Variants in LSAMP observed in about 807,000 individuals in gnomAD.
The protein encoded by LSAMP is limbic system associated membrane protein.
LSAMP carries 7 observed loss-of-function variants against 38.6 expected under a neutral mutation model. The observed-to-expected ratio is 0.18, with a 90% CI of 0.10 to 0.34. The LOEUF is 0.34. Among genes scored for constraint, LSAMP ranks in the 10% least tolerant of loss-of-function variants. LSAMP has a pLI of 1.00. For synonymous variants in LSAMP, 154 were observed against 166.8 expected, an observed-to-expected ratio of 0.92 and a Z score of 0.59; for missense variants, 313 against 420.0, an observed-to-expected ratio of 0.75 and a Z score of 2.23.
chr3:116,217,115 G>A (rs1465968524), intron 1 of LSAMP, among the ~76,000 whole-genome samples: 1 of 152,082 alleles, frequency 6.6e-6, no homozygotes, highest in Non-Finnish European at 1.5e-5. Flanking sequence ...ATTAAGACTC[G>A]GGAGATTAAT....
chr3:116,044,030 TG>T (rs894044025), intron 2 of LSAMP, among the ~76,000 whole-genome samples: 2 of 152,232 alleles, frequency 1.3e-5, no homozygotes, highest in African/African-American at 4.8e-5. Context: ...TCTTCCTCCA[TG>T]AGCCCTCTTT....
chr3:115,858,135 ATCTCTC>A (rs67994060), intron 3 of LSAMP, among the ~76,000 whole-genome samples: 24,889 of 144,012 alleles, frequency 0.17, 2,299 homozygotes, highest in Middle Eastern at 0.24. Context: ...CCGTCCTCCC[ATCTCTC>A]TCTCTCTCTC....
intron 6 of LSAMP, among the ~76,000 whole-genome samples, chr3:115,829,206 G>A (rs1277427542): frequency 6.6e-6 from 1 of 152,088 alleles, no homozygotes; most frequent in Non-Finnish European, 1.5e-5. Context: ...AAGAGGTGGG[G>A]GAGATAAGAC....
At chr3:116,241,748 G>T (rs77970771) in intron 1 of LSAMP, among the ~76,000 whole-genome samples, 8,538 of 152,234 alleles carry the variant, frequency 0.056, 340 homozygotes, top group Middle Eastern at 0.082. Flanking sequence ...AGGGTTGGGT[G>T]CATCTACAAT....
chr3:116,414,902 T>G (rs1001895069), intron 1 of LSAMP, among the ~76,000 whole-genome samples: 21 of 152,108 alleles, frequency 1.4e-4, no homozygotes, highest in African/African-American at 4.8e-4. Context: ...GGCCCTTCAC[T>G]CTGCTTGCTC....
At chr3:116,258,165 C>T (rs2046775522) in intron 1 of LSAMP, among the ~76,000 whole-genome samples, 1 of 152,026 alleles carries the variant, frequency 6.6e-6, no homozygotes, top group Non-Finnish European at 1.5e-5. Context: ...TCTTTGGCCT[C>T]CTAAACTAAA....
chr3:115,970,836 G>C (rs186535749), intron 3 of LSAMP, among the ~76,000 whole-genome samples: 1 of 152,198 alleles, frequency 6.6e-6, no homozygotes, highest in Non-Finnish European at 1.5e-5. Context: ...TGGAGCGCAC[G>C]AGAGAACTTT....
chr3:116,391,167 G>T (rs1401999677), intron 1 of LSAMP, among the ~76,000 whole-genome samples: 1 of 152,150 alleles, frequency 6.6e-6, no homozygotes, highest in Non-Finnish European at 1.5e-5. Flanking sequence ...GAATGATTCC[G>T]GGGAAATCAC....
At chr3:116,077,774 C>A (rs1394968941) in intron 2 of LSAMP, among the ~76,000 whole-genome samples, 1 of 152,200 alleles carries the variant, frequency 6.6e-6, no homozygotes, top group African/African-American at 2.4e-5. Flanking sequence ...TGTCATTTCT[C>A]TCTTATCTCC....
At chr3:115,952,985 A>G (rs1938340640) in intron 3 of LSAMP, among the ~76,000 whole-genome samples, 1 of 152,204 alleles carries the variant, frequency 6.6e-6, no homozygotes. Flanking sequence ...GGCAATGTTA[A>G]TTCCATGTTA....
chr3:115,819,082 G>C (rs1487281438), intron 6 of LSAMP, among the ~76,000 whole-genome samples: 1 of 151,342 alleles, frequency 6.6e-6, no homozygotes, highest in African/African-American at 2.4e-5. Context: ...CCCGGGAGGC[G>C]GAGGTTGCAG....
In LSAMP at chr3:115,970,835, C is replaced by T. The variant is rs974518481; in HGVS notation, c.514+48680G>A. Among the ~76,000 whole-genome samples, 8 of 152,222 alleles carry T rather than the reference C, an allele frequency of 5.3e-5. No individual in the cohort carries two copies. The South Asian group carries it at 8.3e-4, about 16-fold the overall frequency. ...AATGCTGGTTAGCAGGTGGAGCGCA[C>T]GAGAGAACTTTTCTTCCACTGAATT... On this transcript the variant is annotated intron_variant, in intron 3 of 6. Coordinates refer to ENST00000490035, the MANE Select transcript of LSAMP (RefSeq NM_002338.5).
chr3:116,271,290 A>G (rs2046968909), intron 1 of LSAMP, among the ~76,000 whole-genome samples: 1 of 152,042 alleles, frequency 6.6e-6, no homozygotes, highest in African/African-American at 2.4e-5. Flanking sequence ...TCATTGGATT[A>G]CTCTACCCAC....
At chr3:116,168,175 T>C (rs1463912142) in intron 1 of LSAMP, among the ~76,000 whole-genome samples, 2 of 152,226 alleles carry the variant, frequency 1.3e-5, no homozygotes, top group Non-Finnish European at 1.5e-5. Flanking sequence ...CACCAGCCCA[T>C]CACCACTGTG....
At chr3:116,247,142 A>C (rs1273121938) in intron 1 of LSAMP, among the ~76,000 whole-genome samples, 1 of 152,182 alleles carries the variant, frequency 6.6e-6, no homozygotes, top group Non-Finnish European at 1.5e-5. Flanking sequence ...AGGTCACAGA[A>C]CTCTGATCTC....
At chr3:115,930,941 A>C (rs1213995629) in intron 3 of LSAMP, among the ~76,000 whole-genome samples, 1 of 152,224 alleles carries the variant, frequency 6.6e-6, no homozygotes, top group African/African-American at 2.4e-5. Flanking sequence ...AAAACAAGAT[A>C]AAAATTACAT....
At chr3:116,403,253 T>G (rs1270288935) in intron 1 of LSAMP, among the ~76,000 whole-genome samples, 1 of 152,218 alleles carries the variant, frequency 6.6e-6, no homozygotes, top group African/African-American at 2.4e-5. Flanking sequence ...CTGAGACTTT[T>G]CTACGTGGCA....
intron 1 of LSAMP, among the ~76,000 whole-genome samples, chr3:116,108,418 T>C (rs1708518499): frequency 1.3e-5 from 2 of 152,038 alleles, no homozygotes; most frequent in South Asian, 2.1e-4. Context: ...ACAACAGTTA[T>C]GGAAGCAAGG....
At chr3:115,966,923 G>T (rs1028591872) in intron 3 of LSAMP, among the ~76,000 whole-genome samples, 4 of 152,128 alleles carry the variant, frequency 2.6e-5, no homozygotes, top group Admixed American at 2.6e-4. Context: ...CTCCCTGGTG[G>T]CATCCTGAAG....
Sources: allele counts gnomAD v4.1 joint callset (sites outside exome capture counted in the v4.1 genomes callset), GRCh38; gene constraint gnomAD v4.1.1; transcripts MANE v1.5; gene names NCBI Gene and HGNC (gene_info 2026-07-23, HGNC 2026-07-21).